TBC1D16: variants seen among roughly 807,000 people sequenced by gnomAD.
TBC1D16 encodes TBC1 domain family member 16.
Under a neutral mutation model 74.7 loss-of-function variants are expected in TBC1D16, and 58 were observed. That is an observed-to-expected ratio of 0.78 (90% confidence interval 0.63 to 0.97). TBC1D16 has a LOEUF of 0.97. TBC1D16 is among the 50% of genes least tolerant of loss of function. The probability of loss-of-function intolerance (pLI) is 0.00; values close to 1 mark genes in which losing one functional copy is unlikely to be tolerated. For synonymous variants in TBC1D16, 493 were observed against 474.7 expected (o/e 1.04, Z -0.50); for missense variants, 1,014 against 1,079.5 (o/e 0.94, Z 0.85).
intron 3 of TBC1D16, among the ~76,000 whole-genome samples, chr17:79,996,337 G>A (rs1174811414): frequency 1.3e-5 from 2 of 152,032 alleles, no homozygotes; most frequent in Non-Finnish European, 2.9e-5. Flanking sequence ...GAGATCTTCC[G>A]CCAAAGAATC....
rs764555131 is a variant in TBC1D16, at chr17:79,994,676, G to A, written c.779+15484C>T. Among the ~76,000 whole-genome samples, 8 of 152,052 alleles carry A rather than the reference G, an allele frequency of 5.3e-5. No individual in the cohort carries two copies. The highest frequency in any genetic ancestry group is 1.9e-4 in the East Asian group (1 of 5,134). ...TGACCTCAGGTGATCCACCAGCCTC[G>A]GCATCCCAAAGTGCTGGGATTACAG... On this transcript the variant is annotated intron_variant, in intron 3 of 11. Transcript: ENST00000310924. The surrounding 1 kb of genome is among the most constrained non-coding windows in gnomAD (Gnocchi z 4.6).
In TBC1D16 at chr17:79,949,008, T is replaced by G; in HGVS notation, c.1407-2A>C. 6.2e-7 allele frequency: 1 copy of G among 1,613,996 alleles called. No homozygotes were observed. The highest frequency in any genetic ancestry group is 8.5e-7 in the Non-Finnish European group (1 of 1,179,940). The stretch of plus-strand genomic sequence containing the variant: ...TGCTCCTCGGGAGTCATGGAGAGCC[T>G]GTGTGGAGCCGAGCACCCAGCCGGG... On this transcript the variant is annotated splice_acceptor_variant, in intron 7 of 11. Transcript: ENST00000310924. LOFTEE classifies it high-confidence loss of function.
chr17:79,948,818 A>G (rs1290263728), intron 8 of TBC1D16, 54 bp downstream of exon 8: 7 of 1,610,350 alleles, frequency 4.3e-6, no homozygotes, highest in Admixed American at 1.7e-5. Flanking sequence ...CAGAGCGGTC[A>G]GGTGAGGCTT....
intron 9 of TBC1D16, among the ~76,000 whole-genome samples, chr17:79,946,335 C>T (rs1202186547): frequency 1.3e-5 from 2 of 152,228 alleles, no homozygotes; most frequent in East Asian, 1.9e-4. Flanking sequence ...TTCTCGCGTT[C>T]GAGCTTCTGT....
chr17:79,975,042 T>C lies in TBC1D16; in HGVS notation c.780-22224A>G, dbSNP rs188220318. Among the ~76,000 whole-genome samples the C allele has an allele frequency of 4.8e-4, 73 of 152,300 alleles. No individual in the cohort carries two copies. Among genetic ancestry groups the C allele is most frequent in the African/African-American group, 1.7e-3 (70 of 41,564 alleles). ...AAGAAGGCCCAAGGAAGAAGCCCTCTGCTCCGTCACCTCCTCGCCATGCCG... is the reference window on the plus strand; with the variant it reads ...AAGAAGGCCCAAGGAAGAAGCCCTCCGCTCCGTCACCTCCTCGCCATGCCG... On this transcript the variant is annotated intron_variant, in intron 3 of 11. Transcript: ENST00000310924. The surrounding 1 kb of genome is among the most constrained non-coding windows in gnomAD (Gnocchi z 4.5).
At chr17:79,942,308 G>T in intron 10 of TBC1D16, 102 bp from the exon 11 acceptor site, 2 of 1,297,062 alleles carry the variant, frequency 1.5e-6, no homozygotes, top group Non-Finnish European at 2.1e-6. Context: ...GCTCCAGGGC[G>T]AGGGGTCTGG....
intron 3 of TBC1D16, among the ~76,000 whole-genome samples, chr17:79,997,541 A>G (rs2035320471): frequency 6.6e-6 from 1 of 152,206 alleles, no homozygotes; most frequent in African/African-American, 2.4e-5. Context: ...TGTACAGCCC[A>G]TGAACGAAGA....
intron 1 of TBC1D16, among the ~76,000 whole-genome samples, chr17:80,021,865 GAC>G (rs550596277): frequency 1.5e-4 from 23 of 150,500 alleles, no homozygotes; most frequent in African/African-American, 5.5e-4. Context: ...CACACACTAT[GAC>G]ACACACACAC....
intron 7 of TBC1D16, among the ~76,000 whole-genome samples, 198 bp downstream of exon 7, chr17:79,949,518 AG>A (rs754916544): frequency 1.3e-5 from 2 of 152,262 alleles, no homozygotes; most frequent in African/African-American, 2.4e-5. Flanking sequence ...CGAGCCCCGC[AG>A]CTCCGAGGCC....
At chr17:79,972,712 G>T (rs1208321953) in intron 3 of TBC1D16, among the ~76,000 whole-genome samples, 1 of 152,152 alleles carries the variant, frequency 6.6e-6, no homozygotes, top group Non-Finnish European at 1.5e-5. Context: ...AGATGAAAAA[G>T]TTCTGGAGGT....
At chr17:80,006,278 T>C (rs1430981931) in intron 3 of TBC1D16, among the ~76,000 whole-genome samples, 1 of 151,974 alleles carries the variant, frequency 6.6e-6, no homozygotes, top group Non-Finnish European at 1.5e-5. Context: ...TTCTCAACGC[T>C]ACGTGCACTT....
chr17:79,975,624 C>T lies in TBC1D16; in HGVS notation c.780-22806G>A, dbSNP rs531647666. On this transcript the variant is annotated intron_variant, in intron 3 of 11. Coordinates refer to ENST00000310924, the MANE Select transcript of TBC1D16 (RefSeq NM_019020.4). This position sits in a 1 kb window ranked among gnomAD's most constrained non-coding sequence, Gnocchi z 4.5. ...GGGGGTCGTGCATGAAGACAGCCAC[C>T]GCCCACAACAGGTCCACCCTGAAGT... Among the ~76,000 whole-genome samples, 17 of 152,228 alleles carry T rather than the reference C, an allele frequency of 1.1e-4. No individual in the cohort carries two copies. In the South Asian group the frequency reaches 3.1e-3, roughly 28 times the overall value.
At chr17:79,945,774 A>G (rs879583408) in intron 9 of TBC1D16, among the ~76,000 whole-genome samples, 10 of 152,228 alleles carry the variant, frequency 6.6e-5, no homozygotes, top group Non-Finnish European at 1.3e-4. Context: ...AGCAATGTGG[A>G]CACCCGACGT....
intron 3 of TBC1D16, among the ~76,000 whole-genome samples, chr17:80,002,084 A>C (rs1442142463): frequency 1.3e-5 from 2 of 152,140 alleles, no homozygotes; most frequent in Non-Finnish European, 2.9e-5. Context: ...AGGGATCCGG[A>C]ACGAGCAGAG....
At chr17:79,996,894 C>T (rs953566751) in intron 3 of TBC1D16, among the ~76,000 whole-genome samples, 16 of 152,174 alleles carry the variant, frequency 1.1e-4, no homozygotes, top group African/African-American at 2.9e-4. Context: ...AATGGGAAGC[C>T]ATGGTTCATG....
At chr17:80,013,341 CT>C (rs1221277234) in intron 2 of TBC1D16, 25 bp downstream of exon 2, 2 of 1,579,634 alleles carry the variant, frequency 1.3e-6, no homozygotes, top group Non-Finnish European at 1.7e-6. Context: ...CTGTGCGACC[CT>C]GGAGCCTCGC....
Position 79,988,568 on chromosome 17 carries a change from G to A in TBC1D16, c.779+21592C>T, listed in dbSNP as rs528566962. ...TCCCGCTCGGCAAGCCAGGGTCCTG[G>A]TGAACGCACGTGCCTGCGTTCTGTA... On this transcript the variant is annotated intron_variant, in intron 3 of 11. Coordinates refer to ENST00000310924, the MANE Select transcript of TBC1D16 (RefSeq NM_019020.4). The surrounding 1 kb of genome is among the most constrained non-coding windows in gnomAD (Gnocchi z 5.7). 2.0e-5 allele frequency among the ~76,000 whole-genome samples: 3 copies of A among 152,346 alleles called. No homozygotes were observed. Among genetic ancestry groups the A allele is most frequent in the South Asian group, 4.1e-4 (2 of 4,824 alleles).
intron 1 of TBC1D16, among the ~76,000 whole-genome samples, chr17:80,030,076 C>T (rs1373019444): frequency 1.3e-5 from 2 of 152,136 alleles, no homozygotes; most frequent in Non-Finnish European, 2.9e-5. Flanking sequence ...AGGATCATCC[C>T]CCATTTCAAG....
chr17:79,939,336 T>C lies in TBC1D16; in HGVS notation c.*1523A>G, dbSNP rs1050527659. On this transcript the variant is annotated 3_prime_UTR_variant, in exon 12 of 12. Coordinates refer to ENST00000310924, the MANE Select transcript of TBC1D16 (RefSeq NM_019020.4). ...GGAAGTACCTGCTGGACGACCTGGGTTCATGGAGAAAAGAGAAGCCGAGAA... is the reference window on the plus strand; with the variant it reads ...GGAAGTACCTGCTGGACGACCTGGGCTCATGGAGAAAAGAGAAGCCGAGAA... 17 of 152,088 alleles carry C rather than the reference T, an allele frequency of 1.1e-4. No homozygotes were observed. The highest frequency in any genetic ancestry group is 4.1e-4 in the African/African-American group (17 of 41,396). The allele number at this position is 152,088 out of a possible 1,614,324, so 9.4% of individuals were successfully genotyped here. A position where few individuals can be genotyped will look rare whatever the true frequency, so the allele number is the denominator to read the frequency against.
Sources: gnomAD v4.1 joint callset for allele counts (sites outside exome capture counted in the v4.1 genomes callset) on GRCh38, gnomAD v4.1.1 for gene constraint, Gnocchi (gnomAD v3.1) non-coding constraint, MANE v1.5 for transcripts, NCBI Gene and HGNC (gene_info 2026-07-23, HGNC 2026-07-21) for gene names.